NOS2: variants seen among roughly 807,000 people sequenced by gnomAD.
NOS2 encodes nitric oxide synthase, inducible.
NOS2 carries 96 observed loss-of-function variants against 136.0 expected under a neutral mutation model. That is an observed-to-expected ratio of 0.71 (90% confidence interval 0.60 to 0.84). The LOEUF is 0.84. Among genes scored for constraint, NOS2 ranks in the 40% least tolerant of loss-of-function variants. The pLI is 0.00. For missense variants in NOS2, 1,237 were observed against 1,496.9 expected, an observed-to-expected ratio of 0.83 and a Z score of 2.87; for synonymous variants, 539 against 587.5, an observed-to-expected ratio of 0.92 and a Z score of 1.20.
chr17:27,761,045 G>A (rs1908107902), intron 23 of NOS2, 99 bp downstream of exon 23: 1 of 1,156,848 alleles, frequency 8.6e-7, no homozygotes, highest in Non-Finnish European at 1.2e-6. Context: ...ATGGGCCAAG[G>A]GGCTCCGAGC....
intron 14 of NOS2, 68 bp from the exon 15 acceptor site, chr17:27,771,085 C>G: frequency 8.9e-7 from 1 of 1,125,614 alleles, no homozygotes; most frequent in Non-Finnish European, 1.3e-6. Flanking sequence ...TGCGCAGACA[C>G]CCTGGGCTTC....
chr17:27,774,213 C>CA (rs776215672), intron 12 of NOS2, 44 bp downstream of exon 12: 1,493 of 1,392,628 alleles, frequency 1.1e-3, no homozygotes, highest in Non-Finnish European at 1.3e-3. Context: ...CACATACAGC[C>CA]ACATCTGAGC....
chr17:27,783,146 T>A (rs1216341610), intron 5 of NOS2, 40 bp from the exon 6 acceptor site: 1 of 1,600,948 alleles, frequency 6.2e-7, no homozygotes, highest in Admixed American at 1.7e-5. Context: ...AACAATGAGA[T>A]GGCCTTACAT....
chr17:27,788,781 G>A (rs1909099966), intron 4 of NOS2, 28 bp downstream of exon 4: 4 of 1,600,366 alleles, frequency 2.5e-6, no homozygotes, highest in Non-Finnish European at 2.6e-6. Context: ...TGGGACAAAG[G>A]TGGTTCTCCC....
chr17:27,759,892 C>T lies in NOS2; in HGVS notation c.3159+138G>A. 3.8e-6 allele frequency: 3 copies of T among 780,776 alleles called. No individual in the cohort carries two copies. The South Asian group carries it at 7.1e-5, about 18-fold the overall frequency. 48.4% of individuals were successfully genotyped at this position (780,776 alleles called of 1,614,324 possible). A position where few individuals can be genotyped will look rare whatever the true frequency, so the allele number is the denominator to read the frequency against. On this transcript the variant is annotated intron_variant, in intron 25 of 26. Coordinates refer to ENST00000313735, the MANE Select transcript of NOS2 (RefSeq NM_000625.4). Reference sequence around the variant, plus strand: ...GAGGGTGTAATGCTCTTCACAGCATCACTCTGATGGTTGTGAATTACCAGC... The same window carrying T: ...GAGGGTGTAATGCTCTTCACAGCATTACTCTGATGGTTGTGAATTACCAGC...
At chr17:27,788,567 T>G (rs746903031) in intron 4 of NOS2, among the ~76,000 whole-genome samples, 8 of 152,200 alleles carry the variant, frequency 5.3e-5, no homozygotes, top group Non-Finnish European at 1.0e-4. Flanking sequence ...AAGATATGAA[T>G]TTGTTTCTGC....
intron 22 of NOS2, 120 bp downstream of exon 22, chr17:27,762,678 T>G: frequency 4.1e-6 from 3 of 727,374 alleles, no homozygotes; most frequent in Non-Finnish European, 6.9e-6. Flanking sequence ...TGTTAACAAC[T>G]CTGGGCTGTG....
chr17:27,798,848 T>C lies in NOS2; in HGVS notation c.-39A>G, dbSNP rs768157725. The C allele has an allele frequency of 1.6e-6, 2 of 1,281,538 alleles. No homozygotes were observed. The highest frequency in any genetic ancestry group is 1.2e-5 in the South Asian group (1 of 84,216). The allele number at this position is 1,281,538 out of a possible 1,614,324, so 79.4% of individuals were successfully genotyped here. ...CAAAGCAGGTCACTTATGTCACTTA[T>C]CTGGATTTGAGCTCAGATGTTCTTC... On this transcript the variant is annotated 5_prime_UTR_variant, in exon 2 of 27. Transcript: ENST00000313735.
At chr17:27,766,365 G>GT in intron 19 of NOS2, 145 bp downstream of exon 19, 1 of 732,202 alleles carries the variant, frequency 1.4e-6, no homozygotes, top group Non-Finnish European at 2.4e-6. Context: ...AGGTTACCAG[G>GT]TGGGCCGGTC....
chr17:27,787,628 G>A (rs756691588), intron 5 of NOS2, 50 bp downstream of exon 5: 3 of 1,390,104 alleles, frequency 2.2e-6, no homozygotes, highest in African/African-American at 1.4e-5. Context: ...AGAGACAGGA[G>A]AGCAGGAGGA....
chr17:27,797,415 C>T (rs1909386028), intron 2 of NOS2, among the ~76,000 whole-genome samples: 1 of 152,248 alleles, frequency 6.6e-6, no homozygotes, highest in South Asian at 2.1e-4. Context: ...ACCATTGTTA[C>T]CCTCTTCTTA....
rs769152764 is a variant in NOS2, at chr17:27,765,699, A to T, written c.2264T>A (p.Val755Glu). The change falls in exon 20 of 27, where the codon GTG (valine) becomes GAG (glutamate). Residue 755 changes from valine to glutamate, a missense_variant. Physicochemically the swap from Val to Glu is moderately radical, Grantham distance 121. Around this residue, in one of 3 missense-constraint regions of NOS2, gnomAD observed 782 missense variants for 909.9 expected, o/e 0.86. Coordinates refer to ENST00000313735, the MANE Select transcript of NOS2 (RefSeq NM_000625.4). ...TTGGCCATCCTCACAGGAGAGTTCC[A>T]CCAGGATGGTGGCACGGCTGGGGAA... ...SPTSSRATIL[V>E]ELSCEDGQGL... The T allele has an allele frequency of 6.2e-7, 1 of 1,607,082 alleles. No individual in the cohort carries two copies. Among genetic ancestry groups the T allele is most frequent in the South Asian group, 1.1e-5 (1 of 90,008 alleles).
At position 27,788,861 on chromosome 17, in the gene NOS2, T is replaced by G; in HGVS notation, c.266A>C (p.Asn89Thr). The G allele has an allele frequency of 6.2e-7, 1 of 1,614,088 alleles. No homozygotes were observed. The highest frequency in any genetic ancestry group is 8.5e-7 in the Non-Finnish European group (1 of 1,179,974). ...TTGGAAAGTCATCCCGCTGCCCCAG[T>G]TTTTGATCCTCACATGCCGTGGGGA... The part of the protein sequence containing the change: ...LSSPRHVRIK[N>T]WGSGMTFQDT... Residue 89 changes from asparagine (N) to threonine (T), a missense_variant, in exon 4 of 27, where the codon AAC (asparagine) becomes ACC (threonine). By Grantham distance (65) the Asn-to-Thr change is moderately conservative. Around this residue, in one of 3 missense-constraint regions of NOS2, gnomAD observed 440 missense variants for 545.4 expected, o/e 0.81. Coordinates refer to ENST00000313735, the MANE Select transcript of NOS2 (RefSeq NM_000625.4).
chr17:27,768,960 T>C lies in NOS2; in HGVS notation c.2034+17A>G, dbSNP rs1190200163. ...TGTCATGTCCCTGCTGTGGGGCAGC[T>C]CTGGCTGGGAACTGACCTTGAAGGT... On this transcript the variant is annotated intron_variant, in intron 17 of 26. Coordinates refer to ENST00000313735, the MANE Select transcript of NOS2 (RefSeq NM_000625.4). The C allele has an allele frequency of 1.3e-6, 2 of 1,581,654 alleles. No homozygotes were observed. The highest frequency in any genetic ancestry group is 2.3e-5 in the South Asian group (2 of 86,300).
Position 27,760,076 on chromosome 17 carries a change from A to G in NOS2, c.3113T>C (p.Leu1038Pro). 1 of 1,599,612 alleles carries G rather than the reference A, an allele frequency of 6.3e-7. No homozygotes were observed. Among genetic ancestry groups the G allele is most frequent in the South Asian group, 1.1e-5 (1 of 89,198 alleles). The change falls in exon 25 of 27, where the codon CTG (leucine) becomes CCG (proline). Residue 1038 changes from leucine to proline, a missense_variant. Leu to Pro is a moderately conservative substitution (Grantham distance 98). Around this residue, in one of 3 missense-constraint regions of NOS2, gnomAD observed 782 missense variants for 909.9 expected, o/e 0.86. Coordinates refer to ENST00000313735, the MANE Select transcript of NOS2 (RefSeq NM_000625.4). Reference protein sequence around the residue: ...EMLEMAQKGVLHAVHTAYSRL... With the variant: ...EMLEMAQKGVPHAVHTAYSRL... ...GGAATAGGCTGTGTGCACCGCATGC[A>G]GCACCCCCTTCTGGGCCATCTCCAG...
intron 2 of NOS2, 57 bp from the exon 3 acceptor site, chr17:27,789,745 G>T: frequency 5.6e-6 from 7 of 1,239,498 alleles, no homozygotes; most frequent in Non-Finnish European, 7.1e-6. Context: ...GGGGCATCTT[G>T]GAGTTCCCTC....
intron 5 of NOS2, among the ~76,000 whole-genome samples, chr17:27,784,308 T>G (rs947795944): frequency 1.3e-5 from 2 of 151,996 alleles, no homozygotes. Context: ...GGATGAAGAG[T>G]GTCTCGACAA....
chr17:27,793,977 G>C (rs75792188), intron 2 of NOS2, among the ~76,000 whole-genome samples: 1 of 152,214 alleles, frequency 6.6e-6, no homozygotes, highest in African/African-American at 2.4e-5. Flanking sequence ...GTTGGGCCTC[G>C]TGTTTGTTTA....
intron 7 of NOS2, among the ~76,000 whole-genome samples, 182 bp from the exon 8 acceptor site, chr17:27,781,359 C>T (rs28999371): frequency 5.3e-5 from 8 of 152,218 alleles, no homozygotes; most frequent in African/African-American, 1.7e-4. Flanking sequence ...GGTCCACCCC[C>T]TCAAGGGGGC....
Sources: allele counts gnomAD v4.1 joint callset (sites outside exome capture counted in the v4.1 genomes callset), GRCh38; gene constraint gnomAD v4.1.1; regional missense constraint gnomAD v4.1.1; transcripts MANE v1.5; gene names NCBI Gene and HGNC (gene_info 2026-07-23, HGNC 2026-07-21).